The following LRRTM4 variants were observed in gnomAD, a reference collection of about 807,000 sequenced individuals.
LRRTM4 encodes the protein leucine rich repeat transmembrane neuronal 4.
Under a neutral mutation model 47.6 loss-of-function variants are expected in LRRTM4, and 25 were observed. The observed-to-expected ratio is 0.53, with a 90% CI of 0.38 to 0.73. The LOEUF is 0.73. Among genes scored for constraint, LRRTM4 ranks in the 30% least tolerant of loss-of-function variants. The pLI, the probability that LRRTM4 is intolerant of heterozygous loss-of-function variation, is 0.00. For synonymous variants in LRRTM4, 311 were observed against 269.5 expected (o/e 1.15, Z -1.51); for missense variants, 638 against 713.4 (o/e 0.89, Z 1.20).
At chr2:76,875,717 A>T (rs1672759223) in intron 3 of LRRTM4, among the ~76,000 whole-genome samples, 1 of 152,194 alleles carries the variant, frequency 6.6e-6, no homozygotes, top group South Asian at 2.1e-4. Flanking sequence ...TTGAGGAGTC[A>T]TTCTTAATAT....
chr2:76,903,191 G>T (rs1348217934), intron 3 of LRRTM4, among the ~76,000 whole-genome samples: 1 of 151,994 alleles, frequency 6.6e-6, no homozygotes, highest in African/African-American at 2.4e-5. Flanking sequence ...CTAACACAGT[G>T]AAACCCCGTC....
At chr2:76,902,545 G>A (rs1301621545) in intron 3 of LRRTM4, among the ~76,000 whole-genome samples, 1 of 152,182 alleles carries the variant, frequency 6.6e-6, no homozygotes, top group Admixed American at 6.5e-5. Flanking sequence ...TGGAATGTTA[G>A]AAATTTGGGG....
At chr2:77,006,439 A>G (rs1316348000) in intron 3 of LRRTM4, among the ~76,000 whole-genome samples, 6 of 152,186 alleles carry the variant, frequency 3.9e-5, no homozygotes, top group African/African-American at 1.4e-4. Flanking sequence ...TCCAAAAGTA[A>G]AGCTTCCAGA....
chr2:77,250,412 G>C (rs937811589), intron 3 of LRRTM4, among the ~76,000 whole-genome samples: 1 of 152,152 alleles, frequency 6.6e-6, no homozygotes, highest in Non-Finnish European at 1.5e-5. Context: ...AGATGGAGTA[G>C]AGGGATATAT....
chr2:77,045,729 C>A (rs1256234992), intron 3 of LRRTM4, among the ~76,000 whole-genome samples: 1 of 151,950 alleles, frequency 6.6e-6, no homozygotes, highest in Non-Finnish European at 1.5e-5. Context: ...GCTTCTCCAG[C>A]CACATGGAAC....
intron 3 of LRRTM4, among the ~76,000 whole-genome samples, chr2:77,377,879 A>G (rs534739804): frequency 8.5e-4 from 129 of 152,076 alleles, no homozygotes; most frequent in Non-Finnish European, 1.6e-3. Context: ...CAAACACATT[A>G]TTTTGTCTTT....
chr2:77,192,182 T>C (rs1482967413), intron 3 of LRRTM4, among the ~76,000 whole-genome samples: 1 of 152,116 alleles, frequency 6.6e-6, no homozygotes, highest in Non-Finnish European at 1.5e-5. Context: ...AGGCATTCTG[T>C]TTAAAACCTA....
chr2:76,988,687 A>G (rs1239694384), intron 3 of LRRTM4, among the ~76,000 whole-genome samples: 1 of 151,798 alleles, frequency 6.6e-6, no homozygotes, highest in Non-Finnish European at 1.5e-5. Flanking sequence ...CACCTTAAAA[A>G]TTCTTATTAA....
At chr2:76,755,188 A>G (rs965280485) in intron 3 of LRRTM4, among the ~76,000 whole-genome samples, 1 of 152,152 alleles carries the variant, frequency 6.6e-6, no homozygotes, top group African/African-American at 2.4e-5. Flanking sequence ...ATTTTACTAT[A>G]CTTACAATGT....
intron 3 of LRRTM4, among the ~76,000 whole-genome samples, chr2:76,756,144 T>C (rs1194223598): frequency 1.3e-5 from 2 of 152,216 alleles, no homozygotes; most frequent in Non-Finnish European, 2.9e-5. Flanking sequence ...AGCCTGACTC[T>C]AGCACAGTAT....
intron 3 of LRRTM4, among the ~76,000 whole-genome samples, chr2:76,775,927 T>G (rs1164038679): frequency 1.8e-5 from 2 of 112,806 alleles, no homozygotes; most frequent in East Asian, 2.6e-4. Flanking sequence ...CCCACAACAG[T>G]CCCCAGAGTG....
intron 3 of LRRTM4, among the ~76,000 whole-genome samples, chr2:77,422,340 A>G (rs556611323): frequency 3.4e-4 from 52 of 152,364 alleles, no homozygotes; most frequent in Non-Finnish European, 6.8e-4. Flanking sequence ...TAAACATGAA[A>G]GAGCAAAACA....
intron 3 of LRRTM4, among the ~76,000 whole-genome samples, chr2:77,384,623 A>T (rs2103799909): frequency 6.6e-6 from 1 of 152,170 alleles, no homozygotes; most frequent in African/African-American, 2.4e-5. Context: ...CTGAAAGATC[A>T]TTGAAAACTT....
chr2:77,039,109 G>C (rs531972331), intron 3 of LRRTM4, among the ~76,000 whole-genome samples: 1 of 151,180 alleles, frequency 6.6e-6, no homozygotes, highest in Admixed American at 6.6e-5. Context: ...ATCAAGGGAA[G>C]TAATTAATTT....
At chr2:77,513,092 A>G (rs1328838876) in intron 3 of LRRTM4, among the ~76,000 whole-genome samples, 1 of 152,204 alleles carries the variant, frequency 6.6e-6, no homozygotes, top group African/African-American at 2.4e-5. Flanking sequence ...TGCTTTCAAA[A>G]TATCTAGTTA....
intron 3 of LRRTM4, among the ~76,000 whole-genome samples, chr2:76,754,958 G>T (rs911423159): frequency 2.6e-5 from 4 of 152,138 alleles, no homozygotes; most frequent in Admixed American, 2.0e-4. Flanking sequence ...TAGATATGTA[G>T]AATTGCTCAG....
intron 3 of LRRTM4, among the ~76,000 whole-genome samples, chr2:76,931,941 G>A (rs1013087531): frequency 6.6e-6 from 1 of 152,182 alleles, no homozygotes; most frequent in African/African-American, 2.4e-5. Context: ...AGAACAGGGA[G>A]GTTACTAAGT....
intron 3 of LRRTM4, among the ~76,000 whole-genome samples, chr2:76,862,467 A>T (rs1472044975): frequency 6.6e-6 from 1 of 151,904 alleles, no homozygotes; most frequent in Non-Finnish European, 1.5e-5. Context: ...GTCACTTCTG[A>T]GGTGAGAATC....
intron 3 of LRRTM4, among the ~76,000 whole-genome samples, chr2:76,949,503 T>C (rs961681045): frequency 1.8e-4 from 28 of 151,840 alleles, no homozygotes; most frequent in Admixed American, 1.1e-3. Context: ...GAACACTTCA[T>C]AGAAGAGATA....
Sources: gnomAD v4.1 joint callset for allele counts (sites outside exome capture counted in the v4.1 genomes callset) on GRCh38, gnomAD v4.1.1 for gene constraint, MANE v1.5 for transcripts, NCBI Gene and HGNC (gene_info 2026-07-23, HGNC 2026-07-21) for gene names.